Variants in TNFRSF19 observed in about 807,000 individuals in gnomAD.
The protein encoded by TNFRSF19 is TNF receptor superfamily member 19.
In TNFRSF19, 27 loss-of-function variants were observed where a neutral mutation model predicts 46.4. That is an observed-to-expected ratio of 0.58 (90% CI 0.43 to 0.80). TNFRSF19 has a LOEUF of 0.80. Among genes scored for constraint, TNFRSF19 ranks in the 30% least tolerant of loss-of-function variants. TNFRSF19 has a pLI of 0.00. For synonymous variants in TNFRSF19, 204 were observed against 205.0 expected (o/e 1.00, Z 0.04); for missense variants, 511 against 530.8 (o/e 0.96, Z 0.37).
chr13:23,610,292 A>G (rs1013520989), intron 3 of TNFRSF19, among the ~76,000 whole-genome samples: 4 of 152,200 alleles, frequency 2.6e-5, no homozygotes, highest in African/African-American at 9.7e-5. Context: ...TTTTTGTTAA[A>G]GGCTGGATTT....
intron 5 of TNFRSF19, among the ~76,000 whole-genome samples, chr13:23,653,882 G>A (rs188226503): frequency 2.0e-4 from 31 of 152,282 alleles, no homozygotes; most frequent in African/African-American, 7.0e-4. Flanking sequence ...GGCCACAGTG[G>A]CCATGGGACT....
Position 23,603,480 on chromosome 13 carries a change from A to G in TNFRSF19, c.180+10025A>G, listed in dbSNP as rs188198139. Among the ~76,000 whole-genome samples, 15 of 152,212 alleles carry G rather than the reference A, an allele frequency of 9.9e-5. No individual in the cohort carries two copies. In the East Asian group the frequency reaches 2.7e-3, roughly 27 times the overall value. On this transcript the variant is annotated intron_variant, in intron 3 of 9. Transcript: ENST00000248484. ...ACTTTCTAACTCATTCTGTGAGGCCAGAAATCACCCTAATGCCTAAACCAA... is the reference window on the plus strand; with the variant it reads ...ACTTTCTAACTCATTCTGTGAGGCCGGAAATCACCCTAATGCCTAAACCAA...
rs1368292832 is a variant in TNFRSF19 at position 23,590,137 on chromosome 13, A to G, written c.-34-13A>G. ...TTTTTAATATTAACTGCATCTTCCT[A>G]TCTTTTATTTAGAACTCTCCAACAA... is the stretch of plus-strand genomic sequence containing the variant. On this transcript the variant is annotated splice_polypyrimidine_tract_variant and intron_variant, in intron 1 of 9. Coordinates refer to ENST00000248484, the MANE Select transcript of TNFRSF19 (RefSeq NM_148957.4). The G allele has an allele frequency of 3.0e-6, 4 of 1,337,412 alleles. No individual in the cohort carries two copies. Among genetic ancestry groups the G allele is most frequent in the Non-Finnish European group, 3.2e-6 (3 of 949,582 alleles). 82.8% of individuals were successfully genotyped at this position (1,337,412 alleles called of 1,614,324 possible).
chr13:23,655,489 C>G (rs1486925326), intron 5 of TNFRSF19, among the ~76,000 whole-genome samples: 1 of 152,158 alleles, frequency 6.6e-6, no homozygotes, highest in Admixed American at 6.5e-5. Context: ...GAAGTACTTT[C>G]GGAATCCTAA....
At chr13:23,667,731 C>T (rs1426780829) in intron 7 of TNFRSF19, among the ~76,000 whole-genome samples, 1 of 152,098 alleles carries the variant, frequency 6.6e-6, no homozygotes, top group Non-Finnish European at 1.5e-5. Context: ...TCCTGGTCTC[C>T]CCATTGCTCC....
At chr13:23,572,332 A>AT (rs377263312) in intron 1 of TNFRSF19, among the ~76,000 whole-genome samples, 69 of 151,364 alleles carry the variant, frequency 4.6e-4, no homozygotes, top group African/African-American at 1.6e-3. Context: ...GTTTAGTTTG[A>AT]TTTTTTTTTA....
At chr13:23,583,417 G>A (rs1457726620) in intron 1 of TNFRSF19, among the ~76,000 whole-genome samples, 3 of 152,102 alleles carry the variant, frequency 2.0e-5, no homozygotes, top group Non-Finnish European at 4.4e-5. Context: ...TGAGTTCTTG[G>A]TATTTTATGT....
intron 8 of TNFRSF19, among the ~76,000 whole-genome samples, chr13:23,668,306 T>G (rs1313289894): frequency 6.6e-6 from 1 of 152,214 alleles, no homozygotes; most frequent in Non-Finnish European, 1.5e-5. Context: ...ATTAATTTTA[T>G]TTTTGTCTTA....
intron 1 of TNFRSF19, among the ~76,000 whole-genome samples, chr13:23,572,403 TAAAGAA>T (rs1877689224): frequency 6.6e-6 from 1 of 152,154 alleles, no homozygotes; most frequent in African/African-American, 2.4e-5. Context: ...CACATTCAGA[TAAAGAA>T]AATTAGCCTT....
At chr13:23,593,987 G>T (rs1431426249) in intron 3 of TNFRSF19, among the ~76,000 whole-genome samples, 2 of 152,160 alleles carry the variant, frequency 1.3e-5, no homozygotes, top group Non-Finnish European at 2.9e-5. Context: ...CTTCACCTGG[G>T]AAGTGCAAGG....
intron 1 of TNFRSF19, among the ~76,000 whole-genome samples, chr13:23,589,013 C>CCCTCTGCCT (rs1489315649): frequency 1.8e-4 from 28 of 152,326 alleles, no homozygotes; most frequent in Admixed American, 1.7e-3. Context: ...CAGCTCTGCC[C>CCCTCTGCCT]CCTCTGCCTC....
At chr13:23,575,229 T>G (rs889788296) in intron 1 of TNFRSF19, among the ~76,000 whole-genome samples, 2 of 152,220 alleles carry the variant, frequency 1.3e-5, no homozygotes, top group Non-Finnish European at 2.9e-5. Context: ...GTCTAGCCAA[T>G]GAGGTACTCA....
At chr13:23,621,070 A>G (rs1881619471) in intron 4 of TNFRSF19, among the ~76,000 whole-genome samples, 1 of 152,056 alleles carries the variant, frequency 6.6e-6, no homozygotes, top group African/African-American at 2.4e-5. Flanking sequence ...CTGGGAGGTC[A>G]CCGCTGGGGC....
intron 1 of TNFRSF19, chr13:23,579,644 G>T (rs1777804025): frequency 1.3e-5 from 2 of 152,346 alleles, no homozygotes; most frequent in Admixed American, 6.5e-5. Flanking sequence ...AGGGAGGGAG[G>T]AGCGCAGGCG....
intron 5 of TNFRSF19, among the ~76,000 whole-genome samples, chr13:23,643,682 A>G (rs1320842789): frequency 6.6e-6 from 1 of 152,214 alleles, no homozygotes; most frequent in Non-Finnish European, 1.5e-5. Context: ...CCAGAGGAAA[A>G]CAGAAATAGT....
intron 3 of TNFRSF19, among the ~76,000 whole-genome samples, chr13:23,597,953 C>A (rs1189592145): frequency 6.6e-6 from 1 of 152,174 alleles, no homozygotes; most frequent in East Asian, 1.9e-4. Context: ...ATACTCAAAA[C>A]AATAAATGTA....
intron 1 of TNFRSF19, among the ~76,000 whole-genome samples, chr13:23,574,263 C>G (rs1877816704): frequency 6.6e-6 from 1 of 151,854 alleles, no homozygotes; most frequent in Admixed American, 6.6e-5. Context: ...CACTCATTAT[C>G]AATTAATTCA....
At position 23,659,190 on chromosome 13, in the gene TNFRSF19, C is replaced by G; in HGVS notation, c.586C>G (p.Gln196Glu). ...LILCVIYCKR[Q>E]FMEKKPSWSL... ...CCTCTGTGTCATCTATTGTAAGAGACAGTTTATGGAGAAGAAACCCAGCTG... is the reference window on the plus strand; with the variant it reads ...CCTCTGTGTCATCTATTGTAAGAGAGAGTTTATGGAGAAGAAACCCAGCTG... Residue 196 changes from glutamine (Q) to glutamate (E), a missense_variant, in exon 6 of 10, where the codon CAG becomes GAG. Physicochemically the swap from Gln to Glu is conservative, Grantham distance 29. This residue lies in a region of TNFRSF19 where 376 missense variants were observed against 372.7 expected (regional missense o/e 1.01). Transcript: ENST00000248484. The surrounding 1 kb of genome is among the most constrained non-coding windows in gnomAD (Gnocchi z 4.9). The G allele has an allele frequency of 6.8e-6, 11 of 1,611,774 alleles. No homozygotes were observed. The highest frequency in any genetic ancestry group is 1.3e-5 in the African/African-American group (1 of 75,026).
chr13:23,655,088 T>G (rs1385500732), intron 5 of TNFRSF19, among the ~76,000 whole-genome samples: 1 of 152,198 alleles, frequency 6.6e-6, no homozygotes, highest in Non-Finnish European at 1.5e-5. Flanking sequence ...TTCTGCACCT[T>G]GGTCTACTCC....
Sources: allele counts gnomAD v4.1 joint callset (sites outside exome capture counted in the v4.1 genomes callset), GRCh38; gene constraint gnomAD v4.1.1; regional missense constraint gnomAD v4.1.1; non-coding constraint Gnocchi (gnomAD v3.1); transcripts MANE v1.5; gene names NCBI Gene and HGNC (gene_info 2026-07-23, HGNC 2026-07-21).